Variants in TMEM8B observed in about 807,000 individuals in gnomAD.
TMEM8B encodes the protein nasopharyngeal carcinoma expressed 6.
A neutral mutation model predicts 49.3 loss-of-function variants in TMEM8B; 29 were observed. That is an observed-to-expected ratio of 0.59 (90% CI 0.44 to 0.80). The LOEUF (loss-of-function observed/expected upper bound fraction) is 0.80, where lower values mean the gene tolerates loss of function less well. Among genes scored for constraint, TMEM8B ranks in the 30% least tolerant of loss-of-function variants. The probability of loss-of-function intolerance (pLI) is 0.00; values close to 1 mark genes in which losing one functional copy is unlikely to be tolerated. For synonymous variants in TMEM8B, 264 were observed against 272.8 expected (o/e 0.97, Z 0.32); for missense variants, 575 against 658.5 (o/e 0.87, Z 1.39).
At position 35,835,092 on chromosome 9, in the gene TMEM8B, C is replaced by G; in HGVS notation, c.780C>G (p.Phe260Leu). 2.4e-6 allele frequency: 1 copy of G among 415,802 alleles called. No individual in the cohort carries two copies. Among genetic ancestry groups the G allele is most frequent in the Non-Finnish European group, 4.4e-6 (1 of 226,410 alleles). The allele number at this position is 415,802 out of a possible 1,614,324, so 25.8% of individuals were successfully genotyped here. The change falls in exon 3 of 13, where the codon TTC becomes TTG. Residue 260 changes from phenylalanine to leucine, a missense_variant. Transcript: ENST00000643932. ...FPGDTAVPGV[F>L]SLTLSWTLPN... ...GGGACACAGCTGTGCCTGGGGTTTT[C>G]TCACTGACCCTCAGCTGGACACTGC... is the stretch of plus-strand genomic sequence containing the variant.
intron 3 of TMEM8B, among the ~76,000 whole-genome samples, chr9:35,838,529 A>G (rs1181078100): frequency 6.6e-6 from 1 of 152,050 alleles, no homozygotes; most frequent in Admixed American, 6.6e-5. Context: ...AATTTAAAAT[A>G]CCATCTATAT....
rs1051842959 is a variant in TMEM8B at position 35,829,964 on chromosome 9, A to G, written c.508+9A>G. ...CCTTGGCCCAGGGGCTGGTGAGTGC[A>G]GAAGCAGGGAAGATTGAGGCAGGAA... On this transcript the variant is annotated intron_variant, in intron 1 of 12. Transcript: ENST00000643932. 1.2e-4 allele frequency: 49 copies of G among 415,638 alleles called. No individual in the cohort carries two copies. Among genetic ancestry groups the G allele is most frequent in the Non-Finnish European group, 1.9e-4 (42 of 226,508 alleles). The allele number at this position is 415,638 out of a possible 1,614,324, so 25.7% of individuals were successfully genotyped here. A position where few individuals can be genotyped will look rare whatever the true frequency, so the allele number is the denominator to read the frequency against.
At chr9:35,837,646 C>T (rs113405893) in intron 3 of TMEM8B, among the ~76,000 whole-genome samples, 13 of 152,304 alleles carry the variant, frequency 8.5e-5, no homozygotes, top group African/African-American at 3.1e-4. Context: ...GGGCCACCCT[C>T]GTGAACTCTA....
rs1479142958 is a variant in TMEM8B at position 35,861,943 on chromosome 9, T to G, written c.*8103T>G. 1 of 152,210 alleles carries G rather than the reference T, an allele frequency of 6.6e-6. No homozygotes were observed. Among genetic ancestry groups the G allele is most frequent in the Non-Finnish European group, 1.5e-5 (1 of 68,044 alleles). 9.4% of individuals were successfully genotyped at this position (152,210 alleles called of 1,614,324 possible). On this transcript the variant is annotated 3_prime_UTR_variant, in exon 13 of 13. Coordinates refer to ENST00000643932, the MANE Select transcript of TMEM8B (RefSeq NM_001042590.4). ...CTCTACCCTGAATCAGGGTGATTCTTAAAGGACAGTTTCAGGAACATATAG... is the reference window on the plus strand; with the variant it reads ...CTCTACCCTGAATCAGGGTGATTCTGAAAGGACAGTTTCAGGAACATATAG...
chr9:35,848,673 T>C (rs1331588285), intron 10 of TMEM8B, among the ~76,000 whole-genome samples: 1 of 127,762 alleles, frequency 7.8e-6, no homozygotes, highest in Non-Finnish European at 1.8e-5. Flanking sequence ...TTTGTTTTTT[T>C]TCTTTTTTTT....
At position 35,846,917 on chromosome 9, in the gene TMEM8B, G is replaced by A. The variant is rs780663585; in HGVS notation, c.2097G>A (p.Leu699=). 20 of 1,614,124 alleles carry A rather than the reference G, an allele frequency of 1.2e-5. No homozygotes were observed. The South Asian group carries it at 2.1e-4, about 17-fold the overall frequency. Residue 699 remains leucine, a synonymous_variant, in exon 10 of 13, where the codon CTG becomes CTA. Transcript: ENST00000643932. ...LLLCLSNLMF[L]PPVVLAIRSR... The stretch of plus-strand genomic sequence containing the variant: ...TCTGCCTGAGCAACCTCATGTTTCT[G>A]CCACCTGTGGTCCTGGCCATTCGGA...
rs1832578502 is a variant in TMEM8B at position 35,857,864 on chromosome 9, T to C, written c.*4024T>C. ...GAAGTGAGGGGCAGTAAGGGCACAC[T>C]AGAATCCAGAAGGACAAACTGGAAC... On this transcript the variant is annotated 3_prime_UTR_variant, in exon 13 of 13. Transcript: ENST00000643932. 1 of 152,192 alleles carries C rather than the reference T, an allele frequency of 6.6e-6. No homozygotes were observed. The highest frequency in any genetic ancestry group is 1.5e-5 in the Non-Finnish European group (1 of 68,048). 9.4% of individuals were successfully genotyped at this position (152,192 alleles called of 1,614,324 possible). A position where few individuals can be genotyped will look rare whatever the true frequency, so the allele number is the denominator to read the frequency against.
intron 2 of TMEM8B, 66 bp downstream of exon 2, chr9:35,834,716 G>C (rs1830268653): frequency 2.4e-6 from 1 of 414,644 alleles, no homozygotes; most frequent in Non-Finnish European, 4.4e-6. Flanking sequence ...ACTAAAGTGT[G>C]ACTTTAACTG....
In TMEM8B at chr9:35,858,263, G is replaced by A. The variant is rs1832587858; in HGVS notation, c.*4423G>A. On this transcript the variant is annotated 3_prime_UTR_variant, in exon 13 of 13. Transcript: ENST00000643932. ...CACCACCACACCTGGCTAATTTTTT[G>A]TGTTTTTAGTAGAGGCAGGGTTTCA... The A allele has an allele frequency of 6.6e-6, 1 of 151,692 alleles. No homozygotes were observed. Among genetic ancestry groups the A allele is most frequent in the Admixed American group, 6.6e-5 (1 of 15,246 alleles). The allele number at this position is 151,692 out of a possible 1,614,324, so 9.4% of individuals were successfully genotyped here.
At position 35,862,966 on chromosome 9, in the gene TMEM8B, C is replaced by T. The variant is rs1429422832; in HGVS notation, c.*9126C>T. ...GTCAGTGATTGCCATTTGAGTTGAA[C>T]TATTTATTGACATCCAGTGTTGTTC... On this transcript the variant is annotated 3_prime_UTR_variant, in exon 13 of 13. Transcript: ENST00000643932. 3.3e-5 allele frequency: 5 copies of T among 152,198 alleles called. No individual in the cohort carries two copies. Among genetic ancestry groups the T allele is most frequent in the Non-Finnish European group, 7.3e-5 (5 of 68,054 alleles). 9.4% of individuals were successfully genotyped at this position (152,198 alleles called of 1,614,324 possible).
rs150530357 is a variant in TMEM8B, at chr9:35,842,638, G to C, written c.1556G>C (p.Arg519Pro). The change falls in exon 6 of 13, where the codon CGC (arginine) becomes CCC (proline). Residue 519 changes from arginine to proline, a missense_variant. Arg to Pro is a moderately radical substitution (Grantham distance 103). Transcript: ENST00000643932. This position sits in a 1 kb window ranked among gnomAD's most constrained non-coding sequence, Gnocchi z 5.6. ...FGPSVALPPE[R>P]PAVFAMRLLP... is the part of the protein sequence containing the mutation. The stretch of plus-strand genomic sequence containing the variant: ...CCAAGTGTGGCCCTTCCCCCTGAGC[G>C]CCCAGCCGTGTTCGCCATGAGGCTG... 1.5e-5 allele frequency: 25 copies of C among 1,614,016 alleles called. No homozygotes were observed. Among genetic ancestry groups the C allele is most frequent in the Non-Finnish European group, 1.8e-5 (21 of 1,180,028 alleles).
At chr9:35,847,227 G>A (rs771595461) in intron 10 of TMEM8B, 44 of 1,376,064 alleles carry the variant, frequency 3.2e-5, no homozygotes, top group Middle Eastern at 1.8e-4. Flanking sequence ...AAGTAAGTTT[G>A]GGCCTCCAGC....
chr9:35,833,148 C>G (rs954679023), intron 1 of TMEM8B, among the ~76,000 whole-genome samples: 1 of 152,184 alleles, frequency 6.6e-6, no homozygotes, highest in Non-Finnish European at 1.5e-5. Flanking sequence ...CCTTCCCTTT[C>G]TTTGTTATTT....
chr9:35,847,208 A>G (rs748249159), intron 10 of TMEM8B: 9 of 1,524,554 alleles, frequency 5.9e-6, no homozygotes, highest in South Asian at 4.5e-5. Context: ...AACTGTTTGC[A>G]ACTTAATAAA....
intron 10 of TMEM8B, among the ~76,000 whole-genome samples, chr9:35,848,385 C>A (rs1831819212): frequency 6.6e-6 from 1 of 152,206 alleles, no homozygotes; most frequent in Non-Finnish European, 1.5e-5. Flanking sequence ...CCAGCAACAG[C>A]TGTTCTACCA....
Position 35,846,521 on chromosome 9 carries a change from T to C in TMEM8B, c.1906T>C (p.Ser636Pro), listed in dbSNP as rs1292388460. The C allele has an allele frequency of 6.3e-7, 1 of 1,589,922 alleles. No individual in the cohort carries two copies. Among genetic ancestry groups the C allele is most frequent in the Non-Finnish European group, 8.6e-7 (1 of 1,168,256 alleles). Reference sequence around the variant, plus strand: ...CGAGGTGCGGATGCGCACCTTCCTGTCCCCATGCGTGGACGACTGCGGGCC... The same window carrying C: ...CGAGGTGCGGATGCGCACCTTCCTGCCCCCATGCGTGGACGACTGCGGGCC... Reference protein sequence around the residue: ...TAEVRMRTFLSPCVDDCGPYG... With the variant: ...TAEVRMRTFLPPCVDDCGPYG... The change falls in exon 9 of 13, where the codon TCC (serine) becomes CCC (proline). Residue 636 changes from serine (S) to proline (P), a missense_variant. By Grantham distance (74) the Ser-to-Pro change is moderately conservative. Coordinates refer to ENST00000643932, the MANE Select transcript of TMEM8B (RefSeq NM_001042590.4).
chr9:35,832,247 T>A (rs1329880301), intron 1 of TMEM8B, among the ~76,000 whole-genome samples: 1 of 151,742 alleles, frequency 6.6e-6, no homozygotes, highest in African/African-American at 2.4e-5. Context: ...TTACCCTAGC[T>A]TCATCATAGA....
chr9:35,852,278 T>C (rs937761149), intron 10 of TMEM8B, among the ~76,000 whole-genome samples: 1 of 152,196 alleles, frequency 6.6e-6, no homozygotes, highest in African/African-American at 2.4e-5. Flanking sequence ...CCTCTCTCCA[T>C]GGCCTTAGGG....
intron 10 of TMEM8B, among the ~76,000 whole-genome samples, chr9:35,849,714 A>G (rs1564041860): frequency 1.3e-5 from 2 of 152,372 alleles, no homozygotes; most frequent in African/African-American, 2.4e-5. Context: ...GTCCTGGAGT[A>G]TGTAGAAAAA....
Sources: allele counts gnomAD v4.1 joint callset (sites outside exome capture counted in the v4.1 genomes callset), GRCh38; gene constraint gnomAD v4.1.1; non-coding constraint Gnocchi (gnomAD v3.1); transcripts MANE v1.5; gene names NCBI Gene and HGNC (gene_info 2026-07-23, HGNC 2026-07-21).